Variants in IL1RAPL2 observed in about 807,000 individuals in gnomAD.
The protein encoded by IL1RAPL2 is interleukin 1 receptor accessory protein like 2.
A neutral mutation model predicts 44.1 loss-of-function variants in IL1RAPL2; 3 were observed. The ratio of observed to expected loss-of-function variants is 0.07; its 90% CI spans 0.03 to 0.18. The LOEUF is 0.18. Among genes scored for constraint, IL1RAPL2 ranks in the 10% least tolerant of loss-of-function variants. The pLI, the probability that IL1RAPL2 is intolerant of heterozygous loss-of-function variation, is 1.00. For synonymous variants in IL1RAPL2, 181 were observed against 178.8 expected (o/e 1.01, Z -0.10); for missense variants, 391 against 496.4 (o/e 0.79, Z 2.02).
At chrX:105,024,276 T>A (rs2031329395) in intron 2 of IL1RAPL2, among the ~76,000 whole-genome samples, 1 of 111,761 alleles carries the variant, frequency 8.9e-6, no homozygotes, top group African/African-American at 3.2e-5. Context: ...CATACAATTT[T>A]GCTTTGAAGC....
chrX:104,675,680 T>C (rs1276105914), intron 2 of IL1RAPL2, among the ~76,000 whole-genome samples: 2 of 110,839 alleles, frequency 1.8e-5, no homozygotes, highest in East Asian at 2.8e-4. Context: ...CTTTGATCTG[T>C]CTAATGTTGA....
chrX:104,633,995 C>T (rs1414141873), intron 1 of IL1RAPL2, among the ~76,000 whole-genome samples: 10 of 110,485 alleles, frequency 9.1e-5, no homozygotes, highest in African/African-American at 3.3e-4. Context: ...CTATAAATTT[C>T]CCTCTACACA....
intron 1 of IL1RAPL2, among the ~76,000 whole-genome samples, chrX:104,655,571 G>A (rs1652641511): frequency 8.9e-6 from 1 of 111,946 alleles, no homozygotes; most frequent in Non-Finnish European, 1.9e-5. Context: ...GATTCAGTTT[G>A]CCAGTATTTT....
At chrX:104,912,508 A>C (rs1291211666) in intron 2 of IL1RAPL2, among the ~76,000 whole-genome samples, 1 of 111,855 alleles carries the variant, frequency 8.9e-6, no homozygotes, top group Non-Finnish European at 1.9e-5. Context: ...TACTGCAGGC[A>C]AATCAATATG....
chrX:105,505,099 C>T (rs2036422239), intron 6 of IL1RAPL2, among the ~76,000 whole-genome samples: 1 of 111,175 alleles, frequency 9.0e-6, no homozygotes, highest in African/African-American at 3.3e-5. Flanking sequence ...CCTTCCTTAC[C>T]TGAGTATGCT....
At chrX:104,680,757 T>C (rs1411513440) in intron 2 of IL1RAPL2, among the ~76,000 whole-genome samples, 2 of 112,108 alleles carry the variant, frequency 1.8e-5, no homozygotes, top group African/African-American at 6.5e-5. Context: ...TAGAATGAAA[T>C]GAGGGCAGTC....
intron 6 of IL1RAPL2, among the ~76,000 whole-genome samples, chrX:105,639,081 C>T (rs1358832774): frequency 1.8e-5 from 2 of 110,996 alleles, no homozygotes; most frequent in South Asian, 3.7e-4. Flanking sequence ...GTTTTTTATG[C>T]GAGTATTTCC....
intron 6 of IL1RAPL2, among the ~76,000 whole-genome samples, chrX:105,489,908 A>G (rs772084198): frequency 4.7e-5 from 5 of 105,828 alleles, no homozygotes; most frequent in South Asian, 4.3e-4. Flanking sequence ...ACTCACTGCA[A>G]CCTCCGCCTC....
chrX:105,171,994 T>C (rs1188787723), intron 2 of IL1RAPL2, among the ~76,000 whole-genome samples: 1 of 112,215 alleles, frequency 8.9e-6, no homozygotes, highest in Non-Finnish European at 1.9e-5. Flanking sequence ...TGGCTCTAGA[T>C]GGAGTGAGAA....
chrX:105,367,442 T>C (rs1481422235), intron 5 of IL1RAPL2, among the ~76,000 whole-genome samples: 2 of 111,994 alleles, frequency 1.8e-5, no homozygotes, highest in Non-Finnish European at 3.8e-5. Context: ...CTTGATATCT[T>C]CCTTTGTGGT....
chrX:104,698,259 C>T (rs188468823), intron 2 of IL1RAPL2, among the ~76,000 whole-genome samples: 442 of 112,359 alleles, frequency 3.9e-3, no homozygotes, highest in African/African-American at 0.013. Flanking sequence ...TCATCAGTTT[C>T]GTCATATACT....
intron 1 of IL1RAPL2, among the ~76,000 whole-genome samples, chrX:104,656,926 G>T (rs190292174): frequency 9.0e-6 from 1 of 111,106 alleles, no homozygotes; most frequent in African/African-American, 3.3e-5. Flanking sequence ...TTACCATTAC[G>T]TAATGGCCTT....
intron 1 of IL1RAPL2, among the ~76,000 whole-genome samples, chrX:104,624,707 T>C (rs760811452): frequency 8.9e-6 from 1 of 112,100 alleles, no homozygotes; most frequent in Non-Finnish European, 1.9e-5. Flanking sequence ...CATATACATA[T>C]ACATACACAT....
intron 5 of IL1RAPL2, among the ~76,000 whole-genome samples, chrX:105,337,662 C>T (rs190662780): frequency 6.1e-4 from 68 of 111,509 alleles, no homozygotes; most frequent in Admixed American, 1.1e-3. Context: ...GAGGCTGAGG[C>T]GGGCGGATCA....
chrX:104,974,324 C>T (rs2030293094), intron 2 of IL1RAPL2, among the ~76,000 whole-genome samples: 1 of 111,974 alleles, frequency 8.9e-6, no homozygotes, highest in Non-Finnish European at 1.9e-5. Context: ...AGCTAAAAAT[C>T]TTAAAGTTAA....
At chrX:105,166,856 C>G (rs1247883434) in intron 2 of IL1RAPL2, among the ~76,000 whole-genome samples, 1 of 111,894 alleles carries the variant, frequency 8.9e-6, no homozygotes, top group Non-Finnish European at 1.9e-5. Flanking sequence ...TACAGTTACA[C>G]AGGAGAAGTC....
In IL1RAPL2 at chrX:105,374,773, C is replaced by G. The variant is rs998469800; in HGVS notation, c.697+107232C>G. Among the ~76,000 whole-genome samples the G allele has an allele frequency of 3.7e-5, 4 of 108,057 alleles. No homozygotes were observed. The East Asian group carries it at 1.2e-3, about 32-fold the overall frequency. The allele number at this position is 108,057 out of a possible 115,157, so 93.8% of individuals were successfully genotyped here. A position where few individuals can be genotyped will look rare whatever the true frequency, so the allele number is the denominator to read the frequency against. Reference sequence around the variant, plus strand: ...ACCATCCTGGCTAACACGGTGAAACCCTGTCTCTACTAAAAATACAAAAAA... The same window carrying G: ...ACCATCCTGGCTAACACGGTGAAACGCTGTCTCTACTAAAAATACAAAAAA... On this transcript the variant is annotated intron_variant, in intron 5 of 10. Coordinates refer to ENST00000372582, the MANE Select transcript of IL1RAPL2 (RefSeq NM_017416.2).
chrX:104,616,644 G>A (rs1400682878), intron 1 of IL1RAPL2, among the ~76,000 whole-genome samples: 1 of 111,866 alleles, frequency 8.9e-6, no homozygotes, highest in East Asian at 2.8e-4. Flanking sequence ...TTGATAAGTT[G>A]TCTCATCTAA....
chrX:105,068,012 G>T (rs2032160015), intron 2 of IL1RAPL2, among the ~76,000 whole-genome samples: 1 of 112,122 alleles, frequency 8.9e-6, no homozygotes, highest in Admixed American at 9.5e-5. Context: ...AGGCTCTCCA[G>T]TAAAACTTCA....
Sources: gnomAD v4.1 joint callset for allele counts (sites outside exome capture counted in the v4.1 genomes callset) on GRCh38, gnomAD v4.1.1 for gene constraint, MANE v1.5 for transcripts, NCBI Gene and HGNC (gene_info 2026-07-23, HGNC 2026-07-21) for gene names.